NRXN3: variants seen among roughly 807,000 people sequenced by gnomAD.
The protein encoded by NRXN3 is neurexin III.
In NRXN3, 32 loss-of-function variants were observed where a neutral mutation model predicts 137.6. The ratio of observed to expected loss-of-function variants is 0.23; its 90% CI spans 0.18 to 0.31. The LOEUF (loss-of-function observed/expected upper bound fraction) is 0.31, where lower values mean the gene tolerates loss of function less well. Among genes scored for constraint, NRXN3 ranks in the 10% least tolerant of loss-of-function variants. NRXN3 has a pLI of 1.00. For missense variants in NRXN3, 1,574 were observed against 2,062.5 expected (o/e 0.76, Z 4.59); for synonymous variants, 798 against 784.5 (o/e 1.02, Z -0.29).
chr14:78,783,419 G>A (rs2098777057), intron 8 of NRXN3, among the ~76,000 whole-genome samples: 1 of 152,152 alleles, frequency 6.6e-6, no homozygotes, highest in South Asian at 2.1e-4. Flanking sequence ...CTGGAAGGGA[G>A]CATGGCAAAA....
rs192811067 is a variant in NRXN3 at position 78,217,914 on chromosome 14, G to C, written c.-703-24477G>C. On this transcript the variant is annotated intron_variant, in intron 1 of 20. Transcript: ENST00000335750. ...GACCTCAAGTAATCTGCTTGCCTTG[G>C]CCTACCAAAGTGCTGGGATTACAGG... Among the ~76,000 whole-genome samples, 13 of 152,220 alleles carry C rather than the reference G, an allele frequency of 8.5e-5. No individual in the cohort carries two copies. In the East Asian group the frequency reaches 2.3e-3, roughly 27 times the overall value.
At chr14:79,517,962 G>A (rs2097013882) in intron 16 of NRXN3, among the ~76,000 whole-genome samples, 2 of 134,944 alleles carry the variant, frequency 1.5e-5, no homozygotes. Flanking sequence ...CTGGAGTACA[G>A]TGGTGCGATC....
At chr14:78,419,649 C>T (rs1184235163) in intron 4 of NRXN3, among the ~76,000 whole-genome samples, 1 of 152,120 alleles carries the variant, frequency 6.6e-6, no homozygotes, top group Non-Finnish European at 1.5e-5. Flanking sequence ...GACCACGTGG[C>T]AATTAGAGTG....
chr14:78,354,007 T>C (rs1299196984), intron 4 of NRXN3, among the ~76,000 whole-genome samples: 1 of 152,192 alleles, frequency 6.6e-6, no homozygotes, highest in African/African-American at 2.4e-5. Context: ...TCAAAAGTCT[T>C]CTAGCTTCAT....
At chr14:78,586,011 C>T (rs997671939) in intron 4 of NRXN3, among the ~76,000 whole-genome samples, 2 of 152,166 alleles carry the variant, frequency 1.3e-5, no homozygotes, top group Admixed American at 1.3e-4. Flanking sequence ...GATTCTCTTC[C>T]CAAATGCTAG....
intron 16 of NRXN3, among the ~76,000 whole-genome samples, chr14:79,478,414 T>A (rs1294417508): frequency 6.6e-6 from 1 of 151,994 alleles, no homozygotes; most frequent in East Asian, 1.9e-4. Context: ...TTTACAGAGA[T>A]GTCTTCTTCA....
chr14:78,297,896 G>A, intron 4 of NRXN3, 36 bp downstream of exon 4: 2 of 1,535,828 alleles, frequency 1.3e-6, no homozygotes, highest in Non-Finnish European at 1.7e-6. Flanking sequence ...GCAGCTGCCT[G>A]AACTGCTTGC....
At chr14:79,385,161 T>C (rs1475354726) in intron 15 of NRXN3, among the ~76,000 whole-genome samples, 1 of 148,522 alleles carries the variant, frequency 6.7e-6, no homozygotes, top group Non-Finnish European at 1.5e-5. Flanking sequence ...CTGCACCCAC[T>C]AACTCGTCAT....
chr14:78,377,882 A>G (rs1480778250), intron 4 of NRXN3, among the ~76,000 whole-genome samples: 4 of 152,250 alleles, frequency 2.6e-5, no homozygotes, highest in Non-Finnish European at 4.4e-5. Context: ...AATTTAGTCC[A>G]TAACAATATA....
chr14:78,885,147 A>G (rs1458482255), intron 10 of NRXN3, among the ~76,000 whole-genome samples: 2 of 148,460 alleles, frequency 1.3e-5, no homozygotes, highest in East Asian at 3.9e-4. Context: ...AAAATATATA[A>G]ATATAAATTA....
intron 4 of NRXN3, among the ~76,000 whole-genome samples, chr14:78,603,643 A>G (rs2097220438): frequency 6.6e-6 from 1 of 152,228 alleles, no homozygotes; most frequent in Non-Finnish European, 1.5e-5. Context: ...GTTGCCTTAC[A>G]CATGTTCATT....
intron 15 of NRXN3, among the ~76,000 whole-genome samples, chr14:79,030,699 T>C (rs960959749): frequency 2.7e-5 from 4 of 149,844 alleles, no homozygotes; most frequent in Non-Finnish European, 4.4e-5. Flanking sequence ...ATTTTTTCTT[T>C]CCATGTTTAT....
intron 16 of NRXN3, among the ~76,000 whole-genome samples, chr14:79,542,233 A>AGT (rs1251066658): frequency 1.3e-5 from 2 of 152,324 alleles, no homozygotes; most frequent in African/African-American, 4.8e-5. Flanking sequence ...TCTAGCCATG[A>AGT]GTGCCAGGTT....
chr14:79,118,402 T>C (rs1174390473), intron 15 of NRXN3, among the ~76,000 whole-genome samples: 1 of 152,218 alleles, frequency 6.6e-6, no homozygotes, highest in Non-Finnish European at 1.5e-5. Context: ...ATCAATGAGC[T>C]GTGAAGGGGA....
intron 16 of NRXN3, among the ~76,000 whole-genome samples, chr14:79,630,469 A>C (rs971225862): frequency 6.6e-6 from 1 of 152,184 alleles, no homozygotes; most frequent in Non-Finnish European, 1.5e-5. Context: ...TGTTCTTGTC[A>C]CTTTGGTCCT....
At chr14:78,703,018 C>T (rs2152808467) in intron 6 of NRXN3, among the ~76,000 whole-genome samples, 1 of 152,228 alleles carries the variant, frequency 6.6e-6, no homozygotes, top group East Asian at 1.9e-4. Flanking sequence ...GTAAGGTGTC[C>T]AAACCCTGGT....
At chr14:78,714,176 C>A (rs2098421488) in intron 7 of NRXN3, among the ~76,000 whole-genome samples, 2 of 152,146 alleles carry the variant, frequency 1.3e-5, no homozygotes, top group South Asian at 4.1e-4. Flanking sequence ...TAGAGAGTAC[C>A]AGTGCATGGA....
intron 15 of NRXN3, among the ~76,000 whole-genome samples, chr14:79,252,452 A>G (rs2076066090): frequency 2.0e-5 from 3 of 152,142 alleles, no homozygotes; most frequent in African/African-American, 4.8e-5. Context: ...TGTAGTTGAC[A>G]TCTTGTTTCA....
chr14:79,568,694 G>A (rs1466102979), intron 16 of NRXN3, among the ~76,000 whole-genome samples: 1 of 152,118 alleles, frequency 6.6e-6, no homozygotes, highest in Non-Finnish European at 1.5e-5. Context: ...TGATTCAAAT[G>A]CCCAGTCCAT....
Sources: allele counts gnomAD v4.1 joint callset (sites outside exome capture counted in the v4.1 genomes callset), GRCh38; gene constraint gnomAD v4.1.1; transcripts MANE v1.5; gene names NCBI Gene and HGNC (gene_info 2026-07-23, HGNC 2026-07-21).